Variants in TMEM132D observed in about 807,000 individuals in gnomAD.
The protein encoded by TMEM132D is transmembrane protein 132D.
In TMEM132D, 21 loss-of-function variants were observed where a neutral mutation model predicts 62.3. The ratio of observed to expected loss-of-function variants is 0.34; its 90% CI spans 0.24 to 0.49. TMEM132D has a LOEUF of 0.49. Ranked by LOEUF, TMEM132D falls within the 20% of genes least tolerant of loss-of-function variation. The probability of loss-of-function intolerance (pLI) is 0.99; values close to 1 mark genes in which losing one functional copy is unlikely to be tolerated. For missense variants in TMEM132D, 1,346 were observed against 1,402.8 expected (o/e 0.96, Z 0.65); for synonymous variants, 621 against 575.6 (o/e 1.08, Z -1.13).
At chr12:129,408,486 G>A (rs1871864436) in intron 3 of TMEM132D, among the ~76,000 whole-genome samples, 1 of 149,192 alleles carries the variant, frequency 6.7e-6, no homozygotes, top group Admixed American at 6.6e-5. Context: ...CAATACTGAT[G>A]TCTTAATCCT....
intron 4 of TMEM132D, among the ~76,000 whole-genome samples, chr12:129,236,713 G>GT (rs1566007268): frequency 6.6e-6 from 1 of 151,858 alleles, no homozygotes; most frequent in South Asian, 2.1e-4. Flanking sequence ...AATGCCTTTT[G>GT]TTTTTTTAAA....
chr12:129,457,909 G>A lies in TMEM132D; in HGVS notation c.1115+73150C>T, dbSNP rs532181556. Among the ~76,000 whole-genome samples the A allele has an allele frequency of 7.9e-5, 12 of 152,204 alleles. No homozygotes were observed. In the East Asian group the frequency reaches 2.3e-3, roughly 29 times the overall value. The stretch of plus-strand genomic sequence containing the variant: ...TACAATTTGACATGAGATTGGGGTG[G>A]GGACACGGATCCAAACCATATCAGG... On this transcript the variant is annotated intron_variant, in intron 3 of 8. Transcript: ENST00000422113.
intron 1 of TMEM132D, among the ~76,000 whole-genome samples, chr12:129,851,177 C>T (rs1873528766): frequency 6.6e-6 from 1 of 152,192 alleles, no homozygotes; most frequent in African/African-American, 2.4e-5. Context: ...GGAAAACTGA[C>T]TTCTAGAAAG....
intron 4 of TMEM132D, among the ~76,000 whole-genome samples, chr12:129,256,255 C>T (rs1014945033): frequency 6.6e-6 from 1 of 152,064 alleles, no homozygotes; most frequent in African/African-American, 2.4e-5. Context: ...TGTTAGTTTG[C>T]TCACCATCTG....
chr12:129,839,529 C>T (rs962485945), intron 1 of TMEM132D, among the ~76,000 whole-genome samples: 1 of 152,094 alleles, frequency 6.6e-6, no homozygotes, highest in Non-Finnish European at 1.5e-5. Flanking sequence ...TCCCAAAGTG[C>T]TGGGATTATA....
intron 3 of TMEM132D, among the ~76,000 whole-genome samples, chr12:129,392,184 A>G (rs1221718355): frequency 6.6e-6 from 1 of 151,992 alleles, no homozygotes; most frequent in African/African-American, 2.4e-5. Flanking sequence ...CAGCCTCCTG[A>G]GTAGCTGGGA....
At chr12:129,093,031 T>C (rs1874982214) in intron 5 of TMEM132D, among the ~76,000 whole-genome samples, 1 of 152,188 alleles carries the variant, frequency 6.6e-6, no homozygotes, top group Admixed American at 6.5e-5. Context: ...ATAAGCAAGT[T>C]TTAAATGGAC....
chr12:129,103,457 T>G (rs1875381581), intron 5 of TMEM132D, among the ~76,000 whole-genome samples: 1 of 151,974 alleles, frequency 6.6e-6, no homozygotes, highest in African/African-American at 2.4e-5. Context: ...AGCAGCAAGC[T>G]CTCCTTGGAG....
intron 5 of TMEM132D, among the ~76,000 whole-genome samples, chr12:129,164,340 A>G (rs1163056074): frequency 1.3e-5 from 2 of 152,228 alleles, no homozygotes; most frequent in Non-Finnish European, 2.9e-5. Flanking sequence ...CTTGTCCCCA[A>G]CAATGTGATA....
At chr12:129,116,877 T>G (rs1398351755) in intron 5 of TMEM132D, among the ~76,000 whole-genome samples, 2 of 127,656 alleles carry the variant, frequency 1.6e-5, no homozygotes, top group Non-Finnish European at 3.1e-5. Flanking sequence ...ACCAAGCAAC[T>G]GTCCTCCTTG....
At chr12:129,157,621 C>T (rs1206923593) in intron 5 of TMEM132D, among the ~76,000 whole-genome samples, 3 of 152,174 alleles carry the variant, frequency 2.0e-5, no homozygotes, top group South Asian at 2.1e-4. Context: ...GCAAATGAAA[C>T]ACAAATTATA....
At chr12:129,440,195 G>A (rs1872901330) in intron 3 of TMEM132D, among the ~76,000 whole-genome samples, 1 of 152,192 alleles carries the variant, frequency 6.6e-6, no homozygotes, top group African/African-American at 2.4e-5. Context: ...CACAAAAGAA[G>A]TAAAAGATTT....
intron 4 of TMEM132D, among the ~76,000 whole-genome samples, chr12:129,242,713 CT>C (rs2135585191): frequency 6.6e-6 from 1 of 152,058 alleles, no homozygotes; most frequent in African/African-American, 2.4e-5. Flanking sequence ...TGAAATTTTT[CT>C]CTCTTCCTTC....
intron 4 of TMEM132D, among the ~76,000 whole-genome samples, chr12:129,282,367 TA>T (rs1368709408): frequency 2.6e-5 from 4 of 151,906 alleles, no homozygotes; most frequent in East Asian, 3.9e-4. Context: ...GCTGAGCACA[TA>T]AAAAAATATC....
At chr12:129,762,595 C>T (rs559266945) in intron 1 of TMEM132D, among the ~76,000 whole-genome samples, 3 of 152,176 alleles carry the variant, frequency 2.0e-5, no homozygotes, top group Admixed American at 2.0e-4. Flanking sequence ...GGGAAACAGA[C>T]AGTGCTAATG....
chr12:129,695,801 G>A (rs1881192749), intron 2 of TMEM132D, among the ~76,000 whole-genome samples: 1 of 152,242 alleles, frequency 6.6e-6, no homozygotes, highest in Admixed American at 6.5e-5. Flanking sequence ...GGAATTCACT[G>A]TGAGGGCGGG....
chr12:129,077,529 C>T (rs1397474607), intron 8 of TMEM132D, among the ~76,000 whole-genome samples: 1 of 152,068 alleles, frequency 6.6e-6, no homozygotes, highest in African/African-American at 2.4e-5. Flanking sequence ...CCATTGTATC[C>T]ACATACAAAC....
intron 2 of TMEM132D, among the ~76,000 whole-genome samples, chr12:129,534,262 C>T (rs1876315521): frequency 6.6e-6 from 1 of 152,222 alleles, no homozygotes; most frequent in Admixed American, 6.5e-5. Context: ...TAGATTTATG[C>T]TTAATAATAT....
chr12:129,711,676 G>A (rs993639090), intron 1 of TMEM132D, among the ~76,000 whole-genome samples: 6 of 145,900 alleles, frequency 4.1e-5, no homozygotes, highest in East Asian at 2.0e-4. Context: ...GGAGTGAGCC[G>A]AGATCGCGCC....
Sources: allele counts gnomAD v4.1 joint callset (sites outside exome capture counted in the v4.1 genomes callset), GRCh38; gene constraint gnomAD v4.1.1; transcripts MANE v1.5; gene names NCBI Gene and HGNC (gene_info 2026-07-23, HGNC 2026-07-21).